SIPA1L2: variants seen among roughly 807,000 people sequenced by gnomAD.
The protein encoded by SIPA1L2 is signal induced proliferation associated 1 like 2.
In SIPA1L2, 56 loss-of-function variants were observed where a neutral mutation model predicts 163.9. The observed-to-expected ratio is 0.34, with a 90% confidence interval of 0.28 to 0.43. The LOEUF (loss-of-function observed/expected upper bound fraction) is 0.43, where lower values mean the gene tolerates loss of function less well. Ranked by LOEUF, SIPA1L2 falls within the 20% of genes least tolerant of loss-of-function variation. The probability of loss-of-function intolerance (pLI) is 1.00; values close to 1 mark genes in which losing one functional copy is unlikely to be tolerated. For synonymous variants in SIPA1L2, 877 were observed against 865.7 expected (o/e 1.01, Z -0.23); for missense variants, 1,974 against 2,193.5 (o/e 0.90, Z 2.00).
At chr1:232,461,213 G>C (rs2102919161) in intron 9 of SIPA1L2, 52 bp from the exon 10 acceptor site, 1 of 1,585,762 alleles carries the variant, frequency 6.3e-7, no homozygotes, top group Non-Finnish European at 8.6e-7. Flanking sequence ...AGCTGCCATG[G>C]GGCTCTGCCA....
chr1:232,403,810 C>A (rs1660488027), intron 20 of SIPA1L2, among the ~76,000 whole-genome samples: 1 of 152,192 alleles, frequency 6.6e-6, no homozygotes, highest in Non-Finnish European at 1.5e-5. Flanking sequence ...GCCATGGGGA[C>A]AATTAGCAGA....
intron 1 of SIPA1L2, among the ~76,000 whole-genome samples, chr1:232,583,718 A>C (rs16857708): frequency 0.015 from 2,248 of 152,302 alleles, 81 homozygotes; most frequent in African/African-American, 0.052. Flanking sequence ...ACTGTAATAA[A>C]CTAAGGAAGT....
chr1:232,498,975 G>T (rs1333379317), intron 3 of SIPA1L2, among the ~76,000 whole-genome samples: 1 of 152,144 alleles, frequency 6.6e-6, no homozygotes, highest in African/African-American at 2.4e-5. Flanking sequence ...TTGAACAGTG[G>T]ATGTCTCAAC....
chr1:232,499,303 T>C (rs1395706752), intron 3 of SIPA1L2, among the ~76,000 whole-genome samples: 2 of 152,074 alleles, frequency 1.3e-5, no homozygotes, highest in African/African-American at 4.8e-5. Flanking sequence ...GTGAACCAAG[T>C]AGTGAATGCA....
At chr1:232,573,811 C>A (rs758846675) in intron 2 of SIPA1L2, among the ~76,000 whole-genome samples, 3 of 152,220 alleles carry the variant, frequency 2.0e-5, no homozygotes, top group East Asian at 1.9e-4. Flanking sequence ...AGCTCTTTAC[C>A]CACCAACATG....
At position 232,483,794 on chromosome 1, in the gene SIPA1L2, T is replaced by A; in HGVS notation, c.1979A>T (p.Lys660Met). ...FSKYRAQLDN[K>M]TDSTGTHSLY... ...ACACACACAAACATTAAACTTACTC[T>A]TATTGTCTAGCTGAGCTCGATATTT... The change falls in exon 6 of 23, where the codon AAG becomes ATG. Residue 660 changes from lysine (K) to methionine (M), a missense_variant and splice_region_variant. Transcript: ENST00000674635. 1 of 1,613,894 alleles carries A rather than the reference T, an allele frequency of 6.2e-7. No homozygotes were observed. The highest frequency in any genetic ancestry group is 8.5e-7 in the Non-Finnish European group (1 of 1,179,868).
In SIPA1L2 at chr1:232,425,812, G is replaced by C. The variant is rs1378433794; in HGVS notation, c.4411-4C>G. On this transcript the variant is annotated splice_polypyrimidine_tract_variant and splice_region_variant and intron_variant, in intron 17 of 22. Transcript: ENST00000674635. ...ACAGGTTCCCATAGAACGAAAACTA[G>C]GGTTTAAACAAGGTGCGAGGAGGGA... 1.2e-6 allele frequency: 2 copies of C among 1,612,496 alleles called. No homozygotes were observed. The highest frequency in any genetic ancestry group is 1.7e-6 in the Non-Finnish European group (2 of 1,179,046).
At chr1:232,581,741 T>C (rs945612063) in intron 1 of SIPA1L2, among the ~76,000 whole-genome samples, 1 of 152,148 alleles carries the variant, frequency 6.6e-6, no homozygotes, top group Non-Finnish European at 1.5e-5. Context: ...AGAATACACA[T>C]TAAATGACCT....
At chr1:232,572,728 T>TATATATACAC (rs1196941177) in intron 2 of SIPA1L2, among the ~76,000 whole-genome samples, 9 of 27,990 alleles carry the variant, frequency 3.2e-4, no homozygotes, top group African/African-American at 2.4e-3. Flanking sequence ...CACACATATA[T>TATATATACAC]ACATACATAC....
chr1:232,629,792 C>T (rs1370757287), intron 1 of SIPA1L2, among the ~76,000 whole-genome samples, 77 bp downstream of exon 1: 1 of 151,976 alleles, frequency 6.6e-6, no homozygotes, highest in East Asian at 1.9e-4. Flanking sequence ...CCTTCCCCTT[C>T]GGGACAGTCC....
At chr1:232,437,649 C>CA (rs1484984158) in intron 15 of SIPA1L2, among the ~76,000 whole-genome samples, 1 of 152,056 alleles carries the variant, frequency 6.6e-6, no homozygotes, top group Non-Finnish European at 1.5e-5. Flanking sequence ...AGGGACTGAC[C>CA]CCCAGCCCAG....
At chr1:232,438,166 C>T (rs1662676794) in intron 15 of SIPA1L2, among the ~76,000 whole-genome samples, 1 of 152,116 alleles carries the variant, frequency 6.6e-6, no homozygotes, top group Non-Finnish European at 1.5e-5. Flanking sequence ...AAGCCTTTCA[C>T]CGTGACTGCT....
chr1:232,577,499 T>C (rs1264142182), intron 1 of SIPA1L2, among the ~76,000 whole-genome samples: 2 of 152,200 alleles, frequency 1.3e-5, no homozygotes, highest in African/African-American at 4.8e-5. Flanking sequence ...CATAATGTTA[T>C]AGCTATCACA....
intron 10 of SIPA1L2, among the ~76,000 whole-genome samples, chr1:232,454,835 A>G (rs1663802528): frequency 6.6e-6 from 1 of 152,242 alleles, no homozygotes; most frequent in Non-Finnish European, 1.5e-5. Flanking sequence ...TTAAGTAGTA[A>G]GTTGTTGCTG....
chr1:232,445,390 C>G lies in SIPA1L2; in HGVS notation c.3353+139G>C, dbSNP rs980083931. The G allele has an allele frequency of 4.6e-5, 57 of 1,240,538 alleles. 1 individual carries two copies. The highest frequency in any genetic ancestry group is 7.5e-5 in the African/African-American group (5 of 66,848). The allele number at this position is 1,240,538 out of a possible 1,614,324, so 76.8% of individuals were successfully genotyped here. On this transcript the variant is annotated intron_variant, in intron 11 of 22. Coordinates refer to ENST00000674635, the MANE Select transcript of SIPA1L2 (RefSeq NM_020808.5). ...ACCCCAGGCACCACTGTGTCTGGGG[C>G]CTGCCTTGCTACCCTGCTTGCCAAC... is the stretch of plus-strand genomic sequence containing the variant.
At chr1:232,498,345 C>T (rs919587425) in intron 3 of SIPA1L2, among the ~76,000 whole-genome samples, 3 of 152,140 alleles carry the variant, frequency 2.0e-5, no homozygotes, top group Non-Finnish European at 2.9e-5. Flanking sequence ...TCTCAGTGAC[C>T]GGAGCAATAC....
intron 2 of SIPA1L2, among the ~76,000 whole-genome samples, chr1:232,540,199 G>C (rs1020333090): frequency 6.6e-6 from 1 of 152,110 alleles, no homozygotes; most frequent in Non-Finnish European, 1.5e-5. Context: ...AGCTACTCGA[G>C]AGGCTGAGGC....
intron 1 of SIPA1L2, among the ~76,000 whole-genome samples, chr1:232,580,450 T>A (rs555869246): frequency 4.5e-4 from 69 of 152,254 alleles, no homozygotes; most frequent in Admixed American, 6.5e-4. Flanking sequence ...AGCAGCCCAG[T>A]AGGTGTCAGC....
intron 15 of SIPA1L2, among the ~76,000 whole-genome samples, chr1:232,437,368 T>G (rs1662625837): frequency 6.6e-6 from 1 of 152,218 alleles, no homozygotes; most frequent in Admixed American, 6.5e-5. Flanking sequence ...ATAATTCAGA[T>G]GACCAAATTC....
Sources: allele counts gnomAD v4.1 joint callset (sites outside exome capture counted in the v4.1 genomes callset), GRCh38; gene constraint gnomAD v4.1.1; transcripts MANE v1.5; gene names NCBI Gene and HGNC (gene_info 2026-07-23, HGNC 2026-07-21).